TMEM161B: variants seen among roughly 807,000 people sequenced by gnomAD.
The protein encoded by TMEM161B is transmembrane protein 161B.
TMEM161B carries 34 observed loss-of-function variants against 61.8 expected under a neutral mutation model. That is an observed-to-expected ratio of 0.55 (90% confidence interval 0.42 to 0.73). The LOEUF (loss-of-function observed/expected upper bound fraction) is 0.73. TMEM161B is among the 30% of genes least tolerant of loss of function. The probability of loss-of-function intolerance (pLI) is 0.00; values close to 1 mark genes in which losing one functional copy is unlikely to be tolerated. For synonymous variants in TMEM161B, 167 were observed against 192.8 expected, an observed-to-expected ratio of 0.87 and a Z score of 1.11; for missense variants, 456 against 558.5, an observed-to-expected ratio of 0.82 and a Z score of 1.85.
intron 1 of TMEM161B, among the ~76,000 whole-genome samples, chr5:88,248,255 T>G (rs749134715): frequency 5.9e-5 from 9 of 152,116 alleles, no homozygotes; most frequent in Admixed American, 3.3e-4. Context: ...ATCAGCCCAT[T>G]CTTCCCACAG....
intron 1 of TMEM161B, among the ~76,000 whole-genome samples, chr5:88,258,469 A>G (rs1184914284): frequency 6.6e-6 from 1 of 152,200 alleles, no homozygotes; most frequent in Admixed American, 6.5e-5. Flanking sequence ...AATAAATTTA[A>G]CCATCAATAA....
chr5:88,195,343 A>G lies in TMEM161B; in HGVS notation c.*868T>C, dbSNP rs915625995. The stretch of plus-strand genomic sequence containing the variant: ...TAAGGATTCAATATTTTCATCTTTT[A>G]TAATCTCAATATATTATATATTTAA... On this transcript the variant is annotated 3_prime_UTR_variant, in exon 12 of 12. Coordinates refer to ENST00000296595, the MANE Select transcript of TMEM161B (RefSeq NM_153354.5). 41 of 764,084 alleles carry G rather than the reference A, an allele frequency of 5.4e-5. 1 individual carries two copies. The African/African-American group carries it at 7.6e-4, about 14-fold the overall frequency. 47.3% of individuals were successfully genotyped at this position (764,084 alleles called of 1,614,324 possible).
intron 9 of TMEM161B, 23 bp from the exon 10 acceptor site, chr5:88,199,173 G>T: frequency 6.3e-7 from 1 of 1,580,986 alleles, no homozygotes; most frequent in South Asian, 1.1e-5. Context: ...AAGTTGATAC[G>T]GTGCTCTCAA....
At position 88,228,430 on chromosome 5, in the gene TMEM161B, C is replaced by T; in HGVS notation, c.191+15G>A. 6.5e-7 allele frequency: 1 copy of T among 1,547,400 alleles called. No individual in the cohort carries two copies. On this transcript the variant is annotated intron_variant, in intron 3 of 11. Coordinates refer to ENST00000296595, the MANE Select transcript of TMEM161B (RefSeq NM_153354.5). Reference sequence around the variant, plus strand: ...TGTTAAATATTTATTACTTTACAAGCTCAATAAAACTTACCTATCTTTTTT... The same window carrying T: ...TGTTAAATATTTATTACTTTACAAGTTCAATAAAACTTACCTATCTTTTTT...
chr5:88,211,726 G>A (rs147651433), intron 5 of TMEM161B, among the ~76,000 whole-genome samples: 569 of 148,494 alleles, frequency 3.8e-3, no homozygotes, highest in Non-Finnish European at 6.4e-3. Context: ...AGCCGAGATC[G>A]CACCACTGCA....
chr5:88,211,231 G>A (rs551618330), intron 5 of TMEM161B, among the ~76,000 whole-genome samples: 2 of 151,942 alleles, frequency 1.3e-5, no homozygotes, highest in African/African-American at 2.4e-5. Flanking sequence ...GCAGAATGAA[G>A]TTTGGGTATA....
At chr5:88,188,733 G>A (rs1050133283), downstream of TMEM161B, among the ~76,000 whole-genome samples, 4 of 152,142 alleles carry the variant, frequency 2.6e-5, no homozygotes, top group East Asian at 1.9e-4. Flanking sequence ...TGAGCTCCCC[G>A]AAGACAGAGC....
downstream of TMEM161B, among the ~76,000 whole-genome samples, chr5:88,185,596 T>C (rs994713861): frequency 1.3e-5 from 2 of 152,222 alleles, no homozygotes; most frequent in African/African-American, 2.4e-5. Flanking sequence ...AACTATATTT[T>C]ATATGTTCAA....
At position 88,206,029 on chromosome 5, in the gene TMEM161B, A is replaced by G. The variant is rs1317024602; in HGVS notation, c.660-75T>C. On this transcript the variant is annotated intron_variant, in intron 7 of 11. Coordinates refer to ENST00000296595, the MANE Select transcript of TMEM161B (RefSeq NM_153354.5). ...TGAAGAATTTCTTTTCTTCTAATCA[A>G]TTATCTTACAAATAACAATAACAGT... 2.6e-6 allele frequency: 3 copies of G among 1,155,460 alleles called. No individual in the cohort carries two copies. The Admixed American group carries it at 7.7e-5, about 30-fold the overall frequency. The allele number at this position is 1,155,460 out of a possible 1,614,324, so 71.6% of individuals were successfully genotyped here.
chr5:88,248,847 C>G (rs560001163), intron 1 of TMEM161B, among the ~76,000 whole-genome samples: 10 of 152,114 alleles, frequency 6.6e-5, no homozygotes, highest in Non-Finnish European at 1.0e-4. Context: ...AACCATAGAG[C>G]TCTTTTAAGG....
chr5:88,207,594 T>C (rs779164241), intron 5 of TMEM161B, among the ~76,000 whole-genome samples: 12 of 152,190 alleles, frequency 7.9e-5, no homozygotes, highest in Non-Finnish European at 1.5e-4. Context: ...TGATCTGTGG[T>C]ATGAAAACTA....
At chr5:88,230,393 T>C (rs1750790986) in intron 2 of TMEM161B, among the ~76,000 whole-genome samples, 1 of 152,166 alleles carries the variant, frequency 6.6e-6, no homozygotes, top group South Asian at 2.1e-4. Context: ...CATCAGCTAT[T>C]AATTGTGATG....
chr5:88,249,557 G>A (rs1028582277), intron 1 of TMEM161B, among the ~76,000 whole-genome samples: 1 of 151,980 alleles, frequency 6.6e-6, no homozygotes, highest in Non-Finnish European at 1.5e-5. Context: ...AACTCAGATC[G>A]TAATTTTCCA....
intron 2 of TMEM161B, among the ~76,000 whole-genome samples, chr5:88,229,033 T>C (rs1446898937): frequency 1.3e-5 from 2 of 152,342 alleles, no homozygotes; most frequent in Admixed American, 1.3e-4. Context: ...CAGAAAATCA[T>C]TGTATTAAAA....
At chr5:88,225,909 A>G (rs757129472) in intron 3 of TMEM161B, 43 bp from the exon 4 acceptor site, 1 of 1,262,130 alleles carries the variant, frequency 7.9e-7, no homozygotes, top group Admixed American at 2.1e-5. Context: ...AGTTACCTAC[A>G]CTGTTATCCA....
At chr5:88,251,442 A>T (rs770282283) in intron 1 of TMEM161B, among the ~76,000 whole-genome samples, 2 of 152,116 alleles carry the variant, frequency 1.3e-5, no homozygotes, top group Non-Finnish European at 2.9e-5. Flanking sequence ...GCGGTCTTTC[A>T]CTAGTCTTAA....
intron 1 of TMEM161B, among the ~76,000 whole-genome samples, chr5:88,263,459 A>T (rs534675941): frequency 2.0e-5 from 3 of 152,224 alleles, no homozygotes; most frequent in Non-Finnish European, 4.4e-5. Context: ...TTGGTGAAAC[A>T]AAAGGTACAG....
chr5:88,205,678 A>T, intron 8 of TMEM161B, 136 bp downstream of exon 8: 1 of 963,446 alleles, frequency 1.0e-6, no homozygotes, highest in South Asian at 2.0e-5. Flanking sequence ...CTTATAGTTG[A>T]AAGAGGAAGT....
intron 2 of TMEM161B, among the ~76,000 whole-genome samples, chr5:88,230,779 C>T (rs1371262392): frequency 1.3e-5 from 2 of 152,110 alleles, no homozygotes; most frequent in Non-Finnish European, 2.9e-5. Flanking sequence ...CAGTTCTTGG[C>T]ACAGAGTTTT....
Sources: allele counts gnomAD v4.1 joint callset (sites outside exome capture counted in the v4.1 genomes callset), GRCh38; gene constraint gnomAD v4.1.1; transcripts MANE v1.5; gene names NCBI Gene and HGNC (gene_info 2026-07-23, HGNC 2026-07-21).